Variants in AFG2A observed in about 807,000 individuals in gnomAD.
AFG2A encodes ATPase family gene 2 protein homolog A.
the AFG2A span, among the ~76,000 whole-genome samples, chr4:122,983,953 A>C: frequency 6.6e-6 from 1 of 152,178 alleles, no homozygotes; most frequent in Non-Finnish European, 1.5e-5. Context: ...CATCAACGGA[A>C]TATCCCATGG....
chr4:122,977,504 A>T, the AFG2A span, among the ~76,000 whole-genome samples: 2 of 152,176 alleles, frequency 1.3e-5, no homozygotes, highest in Admixed American at 6.5e-5. Context: ...GGAAGCTTGG[A>T]GATGTTGGAA....
the AFG2A span, among the ~76,000 whole-genome samples, chr4:122,928,118 TA>T: frequency 2.0e-5 from 3 of 152,230 alleles, no homozygotes; most frequent in African/African-American, 7.2e-5. Flanking sequence ...CTGGGCATAG[TA>T]GCCCCTAAAA....
At chr4:123,028,463 ACCTT>A in the AFG2A span, 3 of 1,319,662 alleles carry the variant, frequency 2.3e-6, no homozygotes, top group Non-Finnish European at 3.2e-6. Context: ...TCTGACTCCT[ACCTT>A]TAGGAGAACG....
the AFG2A span, among the ~76,000 whole-genome samples, chr4:122,969,108 T>A: frequency 6.6e-6 from 1 of 151,496 alleles, no homozygotes; most frequent in African/African-American, 2.4e-5. Flanking sequence ...ACAGAAAGTT[T>A]ATAATTATAT....
chr4:123,226,746 C>T, the AFG2A span, among the ~76,000 whole-genome samples: 1 of 152,122 alleles, frequency 6.6e-6, no homozygotes, highest in African/African-American at 2.4e-5. Flanking sequence ...GGAAGGATTC[C>T]CTCTCTTCCT....
At chr4:122,977,643 C>T in the AFG2A span, among the ~76,000 whole-genome samples, 21 of 152,192 alleles carry the variant, frequency 1.4e-4, no homozygotes, top group Non-Finnish European at 2.5e-4. Context: ...GACCAGTGGG[C>T]GTGTTTCAGT....
the AFG2A span, among the ~76,000 whole-genome samples, chr4:123,153,239 T>C: frequency 6.6e-6 from 1 of 152,342 alleles, no homozygotes; most frequent in African/African-American, 2.4e-5. Flanking sequence ...TTCTACAGCA[T>C]GGGCTTCTCA....
At chr4:122,962,144 C>T in the AFG2A span, among the ~76,000 whole-genome samples, 126,537 of 152,186 alleles carry the variant, frequency 0.83, 53,752 homozygotes, top group East Asian at 0.96. Context: ...CTACTGCTGA[C>T]CTGATAGGAG....
the AFG2A span, among the ~76,000 whole-genome samples, chr4:123,123,587 C>G: frequency 6.6e-6 from 1 of 152,048 alleles, no homozygotes; most frequent in Non-Finnish European, 1.5e-5. Context: ...CACTGGCCAT[C>G]AGAGAAATGC....
chr4:122,996,255 G>T, the AFG2A span, among the ~76,000 whole-genome samples: 1 of 152,098 alleles, frequency 6.6e-6, no homozygotes, highest in African/African-American at 2.4e-5. Flanking sequence ...TACACCTCAT[G>T]CCTTCCATAC....
chr4:123,044,247 A>G, the AFG2A span, among the ~76,000 whole-genome samples: 1 of 152,148 alleles, frequency 6.6e-6, no homozygotes, highest in East Asian at 1.9e-4. Context: ...AACCTGAACC[A>G]ATTGCGGTGG....
the AFG2A span, among the ~76,000 whole-genome samples, chr4:123,177,295 C>T: frequency 2.0e-5 from 3 of 151,064 alleles, no homozygotes; most frequent in Non-Finnish European, 4.4e-5. Context: ...CAGGTTCAAG[C>T]AATTCTCCTG....
the AFG2A span, among the ~76,000 whole-genome samples, chr4:123,005,173 C>T: frequency 7.9e-5 from 12 of 151,760 alleles, no homozygotes; most frequent in Non-Finnish European, 1.6e-4. Context: ...TTTTCTGAGA[C>T]AGAGTCTCAC....
chr4:123,114,543 G>T, the AFG2A span, among the ~76,000 whole-genome samples: 1 of 152,180 alleles, frequency 6.6e-6, no homozygotes, highest in Non-Finnish European at 1.5e-5. Context: ...CACACACCTG[G>T]CTGGGCCACA....
the AFG2A span, among the ~76,000 whole-genome samples, chr4:123,069,841 C>G: frequency 3.3e-5 from 5 of 152,162 alleles, no homozygotes; most frequent in Admixed American, 6.5e-5. Context: ...GTAAAGTACT[C>G]TAATTACCAA....
the AFG2A span, among the ~76,000 whole-genome samples, chr4:123,272,953 A>G: frequency 2.0e-5 from 3 of 152,178 alleles, no homozygotes; most frequent in South Asian, 6.2e-4. Flanking sequence ...AATATCCAAG[A>G]GAAAAATGAG....
the AFG2A span, among the ~76,000 whole-genome samples, chr4:123,120,244 T>C: frequency 6.6e-6 from 1 of 152,162 alleles, no homozygotes; most frequent in African/African-American, 2.4e-5. Flanking sequence ...CATTTGAGTT[T>C]CTCCGGTGAA....
the AFG2A span, among the ~76,000 whole-genome samples, chr4:123,230,374 C>G: frequency 6.6e-6 from 1 of 151,934 alleles, no homozygotes; most frequent in Non-Finnish European, 1.5e-5. Flanking sequence ...ACTTTCTTGG[C>G]TCATCCATAA....
At chr4:123,185,372 C>A in the AFG2A span, among the ~76,000 whole-genome samples, 2 of 151,870 alleles carry the variant, frequency 1.3e-5, no homozygotes, top group African/African-American at 4.8e-5. Context: ...TACTGTAGAT[C>A]CTTATTTTTG....
Sources: allele counts gnomAD v4.1 joint callset (sites outside exome capture counted in the v4.1 genomes callset), GRCh38; gene constraint gnomAD v4.1.1; transcripts MANE v1.5; gene names NCBI Gene and HGNC (gene_info 2026-07-23, HGNC 2026-07-21).